The following NCOA1 variants were observed in gnomAD, a reference collection of about 807,000 sequenced individuals.
NCOA1 encodes Hin-2 protein.
A neutral mutation model predicts 150.9 loss-of-function variants in NCOA1; 35 were observed. That is an observed-to-expected ratio of 0.23 (90% CI 0.18 to 0.31). The LOEUF (loss-of-function observed/expected upper bound fraction) is 0.31, where lower values mean the gene tolerates loss of function less well. NCOA1 is among the 10% of genes least tolerant of loss of function. The pLI, the probability that NCOA1 is intolerant of heterozygous loss-of-function variation, is 1.00. For synonymous variants in NCOA1, 590 were observed against 630.0 expected, an observed-to-expected ratio of 0.94 and a Z score of 0.95; for missense variants, 1,491 against 1,749.3, an observed-to-expected ratio of 0.85 and a Z score of 2.63.
chr2:24,685,268 A>C (rs1275411944), intron 8 of NCOA1, among the ~76,000 whole-genome samples: 2 of 152,170 alleles, frequency 1.3e-5, no homozygotes, highest in Admixed American at 1.3e-4. Context: ...AGTGTCTAAA[A>C]TCTGTACTTT....
At chr2:24,648,575 T>TA (rs1205858810) in intron 4 of NCOA1, among the ~76,000 whole-genome samples, 1 of 152,132 alleles carries the variant, frequency 6.6e-6, no homozygotes, top group Non-Finnish European at 1.5e-5. Flanking sequence ...CCAGCCCTCA[T>TA]ATTGTGATTT....
chr2:24,535,223 T>C (rs1434912787), intron 1 of NCOA1, among the ~76,000 whole-genome samples: 3 of 152,208 alleles, frequency 2.0e-5, no homozygotes, highest in Non-Finnish European at 2.9e-5. Context: ...TTGTCTCTTT[T>C]GATCTTTGTT....
chr2:24,728,313 G>A lies in NCOA1; in HGVS notation c.2723G>A (p.Cys908Tyr). Residue 908 changes from cysteine (C) to tyrosine (Y), a missense_variant, in exon 16 of 23, where the codon TGT becomes TAT. Transcript: ENST00000348332. ...AINQSKSEDQCISSQLDELLC... is the reference protein window; with the variant it reads ...AINQSKSEDQYISSQLDELLC... ...CTTGTTTTTTAATCCTGCAGCCAGT[G>A]TATTAGCTCACAATTAGATGAGCTT... is the stretch of plus-strand genomic sequence containing the variant. 6.2e-7 allele frequency: 1 copy of A among 1,610,142 alleles called. No homozygotes were observed. Among genetic ancestry groups the A allele is most frequent in the Non-Finnish European group, 8.5e-7 (1 of 1,178,454 alleles).
intron 3 of NCOA1, among the ~76,000 whole-genome samples, chr2:24,610,668 A>G (rs966508912): frequency 1.3e-5 from 2 of 151,062 alleles, no homozygotes; most frequent in African/African-American, 4.9e-5. Context: ...TTAATATTCT[A>G]TATTTGATAA....
intron 21 of NCOA1, 97 bp from the exon 22 acceptor site, chr2:24,762,590 A>G (rs1664841842): frequency 1.9e-6 from 2 of 1,043,944 alleles, no homozygotes; most frequent in Middle Eastern, 2.4e-4. Flanking sequence ...CTGTGCTCCT[A>G]TTACTTTTCT....
intron 14 of NCOA1, among the ~76,000 whole-genome samples, chr2:24,719,087 A>G (rs1168527826): frequency 1.3e-5 from 2 of 151,802 alleles, no homozygotes; most frequent in South Asian, 2.1e-4. Flanking sequence ...ATGTCTGTCA[A>G]CAAGTAAGTG....
chr2:24,580,069 T>C (rs2148305341), intron 2 of NCOA1, among the ~76,000 whole-genome samples: 1 of 152,356 alleles, frequency 6.6e-6, no homozygotes, highest in East Asian at 1.9e-4. Context: ...GCCACTTCTT[T>C]CATTTCTCCT....
intron 3 of NCOA1, among the ~76,000 whole-genome samples, chr2:24,595,714 C>T (rs946511009): frequency 1.3e-5 from 2 of 151,870 alleles, no homozygotes; most frequent in African/African-American, 4.8e-5. Flanking sequence ...TTTTTGGTGT[C>T]CTAATTGTTT....
chr2:24,645,119 G>T (rs1288361091), intron 4 of NCOA1, among the ~76,000 whole-genome samples: 8 of 152,088 alleles, frequency 5.3e-5, no homozygotes, highest in Non-Finnish European at 1.2e-4. Context: ...TTGGCAGAGA[G>T]CTTTAATGCA....
intron 3 of NCOA1, among the ~76,000 whole-genome samples, chr2:24,597,666 T>TG (rs921615627): frequency 6.6e-6 from 1 of 152,170 alleles, no homozygotes; most frequent in African/African-American, 2.4e-5. Context: ...CCTTTTTCCT[T>TG]GGGCAACCTC....
Position 24,629,197 on chromosome 2 carries a change from C to T in NCOA1, c.-174-14769C>T, listed in dbSNP as rs545496200. 4.6e-5 allele frequency among the ~76,000 whole-genome samples: 7 copies of T among 152,168 alleles called. No homozygotes were observed. The East Asian group carries it at 9.7e-4, about 21-fold the overall frequency. ...AATAGAGCATTAAAAAAATTAGCAA[C>T]AGTCTTTTGAGAATAGTTTGTCTTC... On this transcript the variant is annotated intron_variant, in intron 3 of 22. Coordinates refer to ENST00000348332, the MANE Select transcript of NCOA1 (RefSeq NM_003743.5).
At chr2:24,502,500 C>G (rs1482500394) in intron 1 of NCOA1, among the ~76,000 whole-genome samples, 1 of 152,054 alleles carries the variant, frequency 6.6e-6, no homozygotes, top group Non-Finnish European at 1.5e-5. Context: ...AATGATTATC[C>G]TAATTTTTAC....
chr2:24,641,259 G>T, intron 3 of NCOA1, among the ~76,000 whole-genome samples: 1 of 150,812 alleles, frequency 6.6e-6, no homozygotes. Context: ...TGCTATTATT[G>T]TAATATAATT....
intron 14 of NCOA1, among the ~76,000 whole-genome samples, chr2:24,712,952 A>G (rs1233180376): frequency 6.6e-6 from 1 of 152,174 alleles, no homozygotes; most frequent in Non-Finnish European, 1.5e-5. Flanking sequence ...CAAACAGGCC[A>G]GGTGCGGTGG....
intron 6 of NCOA1, among the ~76,000 whole-genome samples, chr2:24,670,564 G>A (rs916234407): frequency 1.3e-4 from 20 of 152,292 alleles, no homozygotes; most frequent in African/African-American, 4.8e-4. Context: ...CAAAGAAGAA[G>A]CCGAGTCACA....
At chr2:24,649,237 A>G (rs972578519) in intron 4 of NCOA1, among the ~76,000 whole-genome samples, 3 of 152,188 alleles carry the variant, frequency 2.0e-5, no homozygotes, top group African/African-American at 7.2e-5. Context: ...CAACACTGAA[A>G]TTTTTATCAC....
intron 8 of NCOA1, among the ~76,000 whole-genome samples, chr2:24,684,515 A>G (rs1672316773): frequency 6.6e-6 from 1 of 152,190 alleles, no homozygotes; most frequent in African/African-American, 2.4e-5. Context: ...AGTGTCATCT[A>G]CTAGCTTATG....
chr2:24,504,535 T>G (rs537296880), intron 1 of NCOA1, among the ~76,000 whole-genome samples: 10 of 152,188 alleles, frequency 6.6e-5, no homozygotes, highest in African/African-American at 2.4e-4. Flanking sequence ...CTGCTTGGAG[T>G]TATTGAAGAA....
In NCOA1 at chr2:24,713,472, G is replaced by T. The variant is rs55922713; in HGVS notation, c.2599+2361G>T. Among the ~76,000 whole-genome samples, 1,290 of 152,218 alleles carry T rather than the reference G, an allele frequency of 8.5e-3. 12 individuals carry two copies. The highest frequency in any genetic ancestry group is 0.013 in the Admixed American group (203 of 15,296). ...AAAAGATTCTAAAACCTTTCAGAGA[G>T]AAGTTAATTCCATACAGTGAATCAG... On this transcript the variant is annotated intron_variant, in intron 14 of 22. Transcript: ENST00000348332.
Sources: gnomAD v4.1 joint callset for allele counts (sites outside exome capture counted in the v4.1 genomes callset) on GRCh38, gnomAD v4.1.1 for gene constraint, MANE v1.5 for transcripts, NCBI Gene and HGNC (gene_info 2026-07-23, HGNC 2026-07-21) for gene names.